The following ADARB2 variants were observed in gnomAD, a reference collection of about 807,000 sequenced individuals.
ADARB2 encodes adenosine deaminase RNA specific B2 (inactive).
ADARB2 carries 25 observed loss-of-function variants against 62.2 expected under a neutral mutation model. That is an observed-to-expected ratio of 0.40 (90% CI 0.29 to 0.56). ADARB2 has a LOEUF of 0.56. Among genes scored for constraint, ADARB2 ranks in the 20% least tolerant of loss-of-function variants. The pLI is 0.43. For synonymous variants in ADARB2, 572 were observed against 500.8 expected, an observed-to-expected ratio of 1.14 and a Z score of -1.90; for missense variants, 1,071 against 1,077.4, an observed-to-expected ratio of 0.99 and a Z score of 0.08.
chr10:1,468,580 C>CGGCA (rs1831285456), intron 1 of ADARB2, among the ~76,000 whole-genome samples: 7 of 152,324 alleles, frequency 4.6e-5, no homozygotes, highest in African/African-American at 1.7e-4. Flanking sequence ...ACAGAGAAGG[C>CGGCA]GGCAGGCAGT....
At chr10:1,302,346 G>A (rs547864396) in intron 3 of ADARB2, among the ~76,000 whole-genome samples, 1 of 152,214 alleles carries the variant, frequency 6.6e-6, no homozygotes, top group African/African-American at 2.4e-5. Context: ...CGCACCACGA[G>A]ATTATATCCC....
At chr10:1,626,147 G>A (rs1414820779) in intron 1 of ADARB2, among the ~76,000 whole-genome samples, 1 of 143,504 alleles carries the variant, frequency 7.0e-6, no homozygotes, top group African/African-American at 2.7e-5. Context: ...GCTCTCTCCT[G>A]CATGGACACA....
At chr10:1,391,105 CCTGCCCAGCTA>C (rs1309894226) in intron 1 of ADARB2, among the ~76,000 whole-genome samples, 2 of 152,170 alleles carry the variant, frequency 1.3e-5, no homozygotes, top group Admixed American at 1.3e-4. Context: ...TTCTTTTCAG[CCTGCCCAGCTA>C]CTTAGGTCAC....
At chr10:1,211,056 C>A (rs1837144004) in intron 7 of ADARB2, among the ~76,000 whole-genome samples, 1 of 152,156 alleles carries the variant, frequency 6.6e-6, no homozygotes, top group Non-Finnish European at 1.5e-5. Flanking sequence ...AAACCCTTGT[C>A]CTCTCCTGCT....
intron 7 of ADARB2, among the ~76,000 whole-genome samples, chr10:1,215,521 A>C (rs1837221691): frequency 6.6e-6 from 1 of 152,056 alleles, no homozygotes; most frequent in East Asian, 1.9e-4. Flanking sequence ...CAACCTTTGC[A>C]TCTCCTGCCT....
chr10:1,464,949 TG>T (rs1451114565), intron 1 of ADARB2, among the ~76,000 whole-genome samples: 1 of 152,242 alleles, frequency 6.6e-6, no homozygotes, highest in Non-Finnish European at 1.5e-5. Flanking sequence ...CACACGGGAC[TG>T]CCCACAGTGG....
At chr10:1,316,546 T>C (rs1366777775) in intron 3 of ADARB2, among the ~76,000 whole-genome samples, 4 of 152,218 alleles carry the variant, frequency 2.6e-5, no homozygotes, top group Admixed American at 2.6e-4. Context: ...TGGGAGTCAT[T>C]GGTTTTCCTC....
chr10:1,295,146 G>C (rs1831512317), intron 3 of ADARB2, among the ~76,000 whole-genome samples: 1 of 152,204 alleles, frequency 6.6e-6, no homozygotes, highest in Admixed American at 6.5e-5. Flanking sequence ...TTCTGTTTGA[G>C]GTCATGGCGT....
At chr10:1,684,649 C>A (rs1229773832) in intron 1 of ADARB2, among the ~76,000 whole-genome samples, 1 of 152,196 alleles carries the variant, frequency 6.6e-6, no homozygotes, top group East Asian at 1.9e-4. Context: ...CCACTCTGAG[C>A]CCTTCATTTT....
intron 3 of ADARB2, among the ~76,000 whole-genome samples, chr10:1,301,465 C>T (rs1831572145): frequency 6.6e-6 from 1 of 152,156 alleles, no homozygotes; most frequent in South Asian, 2.1e-4. Context: ...AAATGAAACC[C>T]ATCAAAATAT....
At chr10:1,512,273 C>T (rs988092106) in intron 1 of ADARB2, among the ~76,000 whole-genome samples, 3 of 152,094 alleles carry the variant, frequency 2.0e-5, no homozygotes, top group Admixed American at 6.5e-5. Flanking sequence ...GATGCTTCTA[C>T]ACTGGATACT....
chr10:1,507,585 C>T (rs1831868717), intron 1 of ADARB2, among the ~76,000 whole-genome samples: 1 of 152,158 alleles, frequency 6.6e-6, no homozygotes, highest in Non-Finnish European at 1.5e-5. Context: ...GACCAGGTGG[C>T]AGCTTTGAAT....
At chr10:1,540,083 G>A (rs551836487) in intron 1 of ADARB2, among the ~76,000 whole-genome samples, 4 of 152,150 alleles carry the variant, frequency 2.6e-5, no homozygotes, top group Admixed American at 6.5e-5. Context: ...TATCTGAATC[G>A]TGGCAGCTCT....
chr10:1,309,956 C>T (rs1236614627), intron 3 of ADARB2, among the ~76,000 whole-genome samples: 1 of 152,254 alleles, frequency 6.6e-6, no homozygotes, highest in African/African-American at 2.4e-5. Flanking sequence ...TCTCCGTCTT[C>T]AGCGTCTTCC....
At chr10:1,388,226 A>C (rs1832540365) in intron 1 of ADARB2, among the ~76,000 whole-genome samples, 1 of 152,104 alleles carries the variant, frequency 6.6e-6, no homozygotes. Flanking sequence ...ACTAGAAGAA[A>C]ATTTCCTCAA....
At chr10:1,637,699 G>A (rs1013016200) in intron 1 of ADARB2, among the ~76,000 whole-genome samples, 18 of 152,100 alleles carry the variant, frequency 1.2e-4, no homozygotes, top group African/African-American at 4.1e-4. Flanking sequence ...TAAATGTGTT[G>A]CCACTCTTAA....
At chr10:1,391,425 T>C (rs1233401534) in intron 1 of ADARB2, among the ~76,000 whole-genome samples, 1 of 152,206 alleles carries the variant, frequency 6.6e-6, no homozygotes, top group East Asian at 1.9e-4. Flanking sequence ...TCTCCGGGTC[T>C]CTAAGTCCAT....
At chr10:1,391,766 A>ATT (rs60956446) in intron 1 of ADARB2, among the ~76,000 whole-genome samples, 23,385 of 91,370 alleles carry the variant, frequency 0.26, 3,112 homozygotes, top group Non-Finnish European at 0.31. Context: ...TAAGAATTGG[A>ATT]TTTTTTTTTT....
At chr10:1,326,710 G>A (rs923622451) in intron 3 of ADARB2, among the ~76,000 whole-genome samples, 3 of 141,622 alleles carry the variant, frequency 2.1e-5, no homozygotes, top group African/African-American at 7.8e-5. Flanking sequence ...ACAGCTCAGC[G>A]TCTCCTCACA....
Sources: gnomAD v4.1 joint callset for allele counts (sites outside exome capture counted in the v4.1 genomes callset) on GRCh38, gnomAD v4.1.1 for gene constraint, MANE v1.5 for transcripts, NCBI Gene and HGNC (gene_info 2026-07-23, HGNC 2026-07-21) for gene names.